The following AKAIN1 variants were observed in gnomAD, a reference collection of about 807,000 sequenced individuals.
AKAIN1 encodes the protein A-kinase anchor inhibitor 1.
Under a neutral mutation model 3.7 loss-of-function variants are expected in AKAIN1, and 3 were observed. The observed-to-expected ratio is 0.82, with a 90% CI of 0.37 to 2.12. AKAIN1 has a LOEUF of 2.12. Among genes scored for constraint, AKAIN1 ranks in the 30% most tolerant of loss-of-function variants. The probability of loss-of-function intolerance (pLI) is 0.06; values close to 1 mark genes in which losing one functional copy is unlikely to be tolerated. For missense variants in AKAIN1, 82 were observed against 82.7 expected (o/e 0.99, Z 0.03); for synonymous variants, 31 against 30.8 (o/e 1.01, Z -0.02).
chr18:5,186,823 GA>G (rs1794255133), intron 1 of AKAIN1, among the ~76,000 whole-genome samples: 1 of 152,012 alleles, frequency 6.6e-6, no homozygotes, highest in Non-Finnish European at 1.5e-5. Context: ...TAAAACAACT[GA>G]AACAATTGCA....
At chr18:5,151,873 A>G (rs915654070) in intron 1 of AKAIN1, among the ~76,000 whole-genome samples, 2 of 152,250 alleles carry the variant, frequency 1.3e-5, no homozygotes, top group Admixed American at 6.5e-5. Context: ...TCATACATAT[A>G]TTCATTCATA....
At chr18:5,168,452 C>G (rs1401126027) in intron 1 of AKAIN1, among the ~76,000 whole-genome samples, 1 of 151,990 alleles carries the variant, frequency 6.6e-6, no homozygotes, top group African/African-American at 2.4e-5. Context: ...AGCTAAACAC[C>G]TTTTGAAAGA....
At position 5,197,004 on chromosome 18, in the gene AKAIN1, T is replaced by G. The variant is rs1477873357; in HGVS notation, c.16+34A>C. 6.5e-7 allele frequency: 1 copy of G among 1,533,266 alleles called. No individual in the cohort carries two copies. Among genetic ancestry groups the G allele is most frequent in the Non-Finnish European group, 8.8e-7 (1 of 1,130,314 alleles). 95.0% of individuals were successfully genotyped at this position (1,533,266 alleles called of 1,614,324 possible). Reference sequence around the variant, plus strand: ...TCCGTCCTCTACCCTGCTCCCCTCCTAGACACTTGGTGAAAAAGCAAGGTG... The same window carrying G: ...TCCGTCCTCTACCCTGCTCCCCTCCGAGACACTTGGTGAAAAAGCAAGGTG... On this transcript the variant is annotated intron_variant, in intron 1 of 1. Coordinates refer to ENST00000434239, the MANE Select transcript of AKAIN1 (RefSeq NM_001145194.2). The surrounding 1 kb of genome is among the most constrained non-coding windows in gnomAD (Gnocchi z 6.9).
chr18:5,187,818 T>C (rs1208629199), intron 1 of AKAIN1, among the ~76,000 whole-genome samples: 1 of 152,132 alleles, frequency 6.6e-6, no homozygotes, highest in Admixed American at 6.5e-5. Context: ...AGTTTTAACT[T>C]ATTCCAGCAT....
chr18:5,177,748 A>C, intron 1 of AKAIN1, among the ~76,000 whole-genome samples: 1 of 152,160 alleles, frequency 6.6e-6, no homozygotes, highest in East Asian at 1.9e-4. Context: ...GAAGCCTTGA[A>C]CCTAACTTGA....
intron 1 of AKAIN1, among the ~76,000 whole-genome samples, chr18:5,181,122 T>TAA (rs113002665): frequency 1.4e-5 from 2 of 142,730 alleles, no homozygotes; most frequent in Non-Finnish European, 1.5e-5. Flanking sequence ...CCCCATCTCT[T>TAA]AAAAAAAAAA....
At chr18:5,190,599 G>A (rs2071313398) in intron 1 of AKAIN1, among the ~76,000 whole-genome samples, 1 of 152,042 alleles carries the variant, frequency 6.6e-6, no homozygotes, top group Non-Finnish European at 1.5e-5. Context: ...TTTTCTAATA[G>A]TAGCCCAATC....
chr18:5,184,761 T>C (rs556194876), intron 1 of AKAIN1, among the ~76,000 whole-genome samples: 14 of 152,242 alleles, frequency 9.2e-5, no homozygotes, highest in Admixed American at 1.3e-4. Flanking sequence ...AAAATGGCCA[T>C]ATTGCCCAAA....
At chr18:5,152,446 C>T (rs1324324005) in intron 1 of AKAIN1, among the ~76,000 whole-genome samples, 1 of 152,172 alleles carries the variant, frequency 6.6e-6, no homozygotes, top group African/African-American at 2.4e-5. Context: ...GCCCACTCCA[C>T]ACCCTTAAAA....
intron 1 of AKAIN1, among the ~76,000 whole-genome samples, chr18:5,173,223 C>CT (rs2071207471): frequency 6.6e-6 from 1 of 152,134 alleles, no homozygotes; most frequent in Non-Finnish European, 1.5e-5. Flanking sequence ...TTGCTGAAAG[C>CT]TTTTTGTAGA....
rs146689232 is a variant in AKAIN1, at chr18:5,183,788, A to C, written c.16+13250T>G. 1.8e-4 allele frequency among the ~76,000 whole-genome samples: 27 copies of C among 152,196 alleles called. No homozygotes were observed. The East Asian group carries it at 3.7e-3, about 21-fold the overall frequency. Reference sequence around the variant, plus strand: ...AGCCTCTATCACAATATTTTTTACAATTGAGCAATAAATACACAACCTTGT... The same window carrying C: ...AGCCTCTATCACAATATTTTTTACACTTGAGCAATAAATACACAACCTTGT... On this transcript the variant is annotated intron_variant, in intron 1 of 1. Transcript: ENST00000434239.
intron 1 of AKAIN1, among the ~76,000 whole-genome samples, chr18:5,177,670 T>C (rs1244131952): frequency 6.6e-6 from 1 of 152,156 alleles, no homozygotes; most frequent in Non-Finnish European, 1.5e-5. Context: ...ACTCTATAAA[T>C]AATAAAAAAT....
In AKAIN1 at chr18:5,197,142, T is replaced by C; in HGVS notation, c.-89A>G. 12 of 1,534,472 alleles carry C rather than the reference T, an allele frequency of 7.8e-6. No homozygotes were observed. Among genetic ancestry groups the C allele is most frequent in the Non-Finnish European group, 1.1e-5 (12 of 1,142,412 alleles). Reference sequence around the variant, plus strand: ...GAAGGCCGGACTTGGCGGGGTCCGGTGCAGGAGGGCGCGCTGGGCGGGCGG... The same window carrying C: ...GAAGGCCGGACTTGGCGGGGTCCGGCGCAGGAGGGCGCGCTGGGCGGGCGG... On this transcript the variant is annotated 5_prime_UTR_variant, in exon 1 of 2. Transcript: ENST00000434239. This position sits in a 1 kb window ranked among gnomAD's most constrained non-coding sequence, Gnocchi z 6.9.
intron 1 of AKAIN1, 108 bp downstream of exon 1, chr18:5,196,930 A>T: frequency 9.6e-7 from 1 of 1,042,724 alleles, no homozygotes; most frequent in Non-Finnish European, 1.5e-6. Context: ...AGTAACTCCG[A>T]AACGCGCAGA....
chr18:5,168,864 T>TA (rs34950957), intron 1 of AKAIN1, among the ~76,000 whole-genome samples: 173 of 122,598 alleles, frequency 1.4e-3, no homozygotes, highest in Middle Eastern at 3.9e-3. Flanking sequence ...GGCAATTCAT[T>TA]AAAAAAAAAA....
At chr18:5,181,189 G>A in intron 1 of AKAIN1, among the ~76,000 whole-genome samples, 1 of 152,100 alleles carries the variant, frequency 6.6e-6, no homozygotes, top group Non-Finnish European at 1.5e-5. Flanking sequence ...CTACTCAGGA[G>A]GCTGAAGTAA....
chr18:5,192,385 T>TTTTCTTTCTTTC (rs34194118), intron 1 of AKAIN1, among the ~76,000 whole-genome samples: 14,269 of 106,520 alleles, frequency 0.13, 1,103 homozygotes, highest in South Asian at 0.16. Context: ...ACAGAGCTAA[T>TTTTCTTTCTTTC]TTTCTTTCTT....
chr18:5,164,751 A>G (rs1031926686), intron 1 of AKAIN1, among the ~76,000 whole-genome samples: 2 of 152,066 alleles, frequency 1.3e-5, no homozygotes, highest in Admixed American at 1.3e-4. Flanking sequence ...TGAGTAATGC[A>G]TACTACACTA....
chr18:5,197,262 C>T, upstream of AKAIN1: 1 of 1,375,722 alleles, frequency 7.3e-7, no homozygotes, highest in Non-Finnish European at 9.3e-7. The surrounding 1 kb of genome is among the most constrained non-coding windows in gnomAD (Gnocchi z 6.9). Context: ...CACAATGCGG[C>T]CACAGCGGCG....
Sources: gnomAD v4.1 joint callset for allele counts (sites outside exome capture counted in the v4.1 genomes callset) on GRCh38, gnomAD v4.1.1 for gene constraint, Gnocchi (gnomAD v3.1) non-coding constraint, MANE v1.5 for transcripts, NCBI Gene and HGNC (gene_info 2026-07-23, HGNC 2026-07-21) for gene names.